Variants in ZMIZ2 observed in about 807,000 individuals in gnomAD.
The protein encoded by ZMIZ2 is zinc finger MIZ-type containing 2.
A neutral mutation model predicts 93.9 loss-of-function variants in ZMIZ2; 26 were observed. That is an observed-to-expected ratio of 0.28 (90% confidence interval 0.20 to 0.38). The LOEUF is 0.38. Among genes scored for constraint, ZMIZ2 ranks in the 10% least tolerant of loss-of-function variants. The pLI, the probability that ZMIZ2 is intolerant of heterozygous loss-of-function variation, is 1.00. For missense variants in ZMIZ2, 1,023 were observed against 1,235.0 expected, an observed-to-expected ratio of 0.83 and a Z score of 2.57; for synonymous variants, 485 against 516.4, an observed-to-expected ratio of 0.94 and a Z score of 0.82.
intron 1 of ZMIZ2, among the ~76,000 whole-genome samples, chr7:44,754,208 G>A (rs1309399374): frequency 6.6e-6 from 1 of 152,174 alleles, no homozygotes; most frequent in Non-Finnish European, 1.5e-5. Context: ...TATGGGACTG[G>A]GATTGCCACC....
Position 44,757,971 on chromosome 7 carries a change from C to G in ZMIZ2, c.676C>G (p.Pro226Ala), listed in dbSNP as rs779714515. Residue 226 changes from proline (P) to alanine (A), a missense_variant, in exon 6 of 19, where the codon CCC becomes GCC. Coordinates refer to ENST00000309315, the MANE Select transcript of ZMIZ2 (RefSeq NM_031449.4). ...GGVMGPSGLSPLAMNPTRAAG... is the reference protein window; with the variant it reads ...GGVMGPSGLSALAMNPTRAAG... ...GGTAATGGGCCCCTCTGGCCTCTCC[C>G]CCTTGGCTATGAACCCCACCCGGGC... The G allele has an allele frequency of 3.3e-5, 53 of 1,612,576 alleles. No homozygotes were observed. Among genetic ancestry groups the G allele is most frequent in the Non-Finnish European group, 4.3e-5 (51 of 1,179,428 alleles).
At chr7:44,755,097 A>T (rs1790478255) in intron 1 of ZMIZ2, among the ~76,000 whole-genome samples, 1 of 152,072 alleles carries the variant, frequency 6.6e-6, no homozygotes, top group Non-Finnish European at 1.5e-5. Flanking sequence ...TTATTTACTA[A>T]ATGGGGAGAG....
intron 1 of ZMIZ2, 71 bp from the exon 2 acceptor site, chr7:44,756,117 G>A: frequency 7.9e-7 from 1 of 1,259,920 alleles, no homozygotes; most frequent in Non-Finnish European, 1.1e-6. Flanking sequence ...CTGGCACCGG[G>A]GTCCCTCCAC....
chr7:44,769,010 G>C lies in ZMIZ2; in HGVS notation c.*1387G>C, dbSNP rs1278885222. The stretch of plus-strand genomic sequence containing the variant: ...GTCACCTTATCTGGGCTTGCCCTGG[G>C]GCACTGAGACAGTTGTTTGGCAGCC... On this transcript the variant is annotated 3_prime_UTR_variant, in exon 19 of 19. Transcript: ENST00000309315. The C allele has an allele frequency of 1.3e-5, 2 of 152,662 alleles. No homozygotes were observed. Among genetic ancestry groups the C allele is most frequent in the Non-Finnish European group, 2.9e-5 (2 of 68,056 alleles). The allele number at this position is 152,662 out of a possible 1,614,324, so 9.5% of individuals were successfully genotyped here. A position where few individuals can be genotyped will look rare whatever the true frequency, so the allele number is the denominator to read the frequency against.
intron 6 of ZMIZ2, among the ~76,000 whole-genome samples, chr7:44,758,912 T>A (rs1583630335): frequency 2.1e-5 from 2 of 93,342 alleles, no homozygotes; most frequent in African/African-American, 8.8e-5. Context: ...AGACTCCATC[T>A]CAAAAAAAAA....
chr7:44,757,377 G>C lies in ZMIZ2; in HGVS notation c.369-1G>C. On this transcript the variant is annotated splice_acceptor_variant, in intron 4 of 18. Coordinates refer to ENST00000309315, the MANE Select transcript of ZMIZ2 (RefSeq NM_031449.4). LOFTEE classifies it high-confidence loss of function. ...GCGTGGCAATCCTGTGTCTCCTGCA[G>C]GTATGCAGGCGGCCCGGGGGGCCTG... The C allele has an allele frequency of 6.3e-7, 1 of 1,599,218 alleles. No individual in the cohort carries two copies. The highest frequency in any genetic ancestry group is 8.5e-7 in the Non-Finnish European group (1 of 1,178,760).
Position 44,766,116 on chromosome 7 carries a change from C to A in ZMIZ2, c.2243-48C>A. The A allele has an allele frequency of 6.5e-7, 1 of 1,538,468 alleles. No individual in the cohort carries two copies. The highest frequency in any genetic ancestry group is 1.2e-5 in the South Asian group (1 of 80,098). The stretch of plus-strand genomic sequence containing the variant: ...GCCTCCCTCCTGGCTCCTCTGCCAG[C>A]GGTGGCCTTCCCCAGCCCTCACCCA... On this transcript the variant is annotated intron_variant, in intron 16 of 18. Coordinates refer to ENST00000309315, the MANE Select transcript of ZMIZ2 (RefSeq NM_031449.4). The surrounding 1 kb of genome is among the most constrained non-coding windows in gnomAD (Gnocchi z 4.4).
Position 44,756,943 on chromosome 7 carries a change from A to T in ZMIZ2, c.166-4A>T, listed in dbSNP as rs754781482. ...TCCCTTTGGTGATTCCTGCTTCCTC[A>T]TAGGTTTTGGGGAACCCCATGGGCC... On this transcript the variant is annotated splice_polypyrimidine_tract_variant and splice_region_variant and intron_variant, in intron 3 of 18. Transcript: ENST00000309315. 1 of 1,608,832 alleles carries T rather than the reference A, an allele frequency of 6.2e-7. No individual in the cohort carries two copies. The highest frequency in any genetic ancestry group is 1.7e-5 in the Admixed American group (1 of 58,032).
chr7:44,751,223 GCTC>G (rs1264664390), intron 1 of ZMIZ2: 4 of 152,348 alleles, frequency 2.6e-5, no homozygotes, highest in Non-Finnish European at 5.9e-5. Flanking sequence ...CCTGCCCTGT[GCTC>G]CTTCTCCCCA....
At position 44,763,596 on chromosome 7, in the gene ZMIZ2, T is replaced by C. The variant is rs927455564; in HGVS notation, c.1860+183T>C. ...GCTCCCCCAAGACTAGGCTATTTTT[T>C]CTTCCAAATATAATTGTCATTTTAC... is the stretch of plus-strand genomic sequence containing the variant. On this transcript the variant is annotated intron_variant, in intron 13 of 18. Coordinates refer to ENST00000309315, the MANE Select transcript of ZMIZ2 (RefSeq NM_031449.4). The surrounding 1 kb of genome is among the most constrained non-coding windows in gnomAD (Gnocchi z 5.6). 2.8e-5 allele frequency: 20 copies of C among 724,812 alleles called. No individual in the cohort carries two copies. Among genetic ancestry groups the C allele is most frequent in the Non-Finnish European group, 2.8e-5 (13 of 461,512 alleles). The allele number at this position is 724,812 out of a possible 1,614,324, so 44.9% of individuals were successfully genotyped here.
chr7:44,757,332 C>T (rs1383495576), intron 4 of ZMIZ2, 46 bp from the exon 5 acceptor site: 1 of 1,583,594 alleles, frequency 6.3e-7, no homozygotes, highest in Admixed American at 1.7e-5. Context: ...AGTCCTGGCC[C>T]TCATGAGCCC....
Position 44,767,453 on chromosome 7 carries a change from AT to A in ZMIZ2, c.2656-62del. 2.3e-6 allele frequency: 3 copies of A among 1,317,544 alleles called. No homozygotes were observed. The South Asian group carries it at 3.6e-5, about 16-fold the overall frequency. The allele number at this position is 1,317,544 out of a possible 1,614,324, so 81.6% of individuals were successfully genotyped here. On this transcript the variant is annotated intron_variant, in intron 18 of 18. Coordinates refer to ENST00000309315, the MANE Select transcript of ZMIZ2 (RefSeq NM_031449.4). ...GACAGGGCCGGGATGTGGTGACAGG[AT>A]GGTCACTCAGGTGTGGCCAGTCAGT...
At chr7:44,760,328 C>T (rs1791049805) in intron 8 of ZMIZ2, 97 bp from the exon 9 acceptor site, 1 of 1,572,906 alleles carries the variant, frequency 6.4e-7, no homozygotes, top group Non-Finnish European at 8.6e-7. Flanking sequence ...CTCCTGTCCA[C>T]CTCTGTTATC....
chr7:44,760,091 CA>C (rs1791015544), intron 7 of ZMIZ2, 59 bp from the exon 8 acceptor site: 11 of 1,599,102 alleles, frequency 6.9e-6, no homozygotes, highest in South Asian at 4.4e-5. Context: ...GGGTCAGGTC[CA>C]GGGGGCCCGG....
chr7:44,753,678 G>A (rs1790350330), intron 1 of ZMIZ2, among the ~76,000 whole-genome samples: 1 of 152,158 alleles, frequency 6.6e-6, no homozygotes, highest in Non-Finnish European at 1.5e-5. Flanking sequence ...TAATTTTGAT[G>A]AAGTCCAGTT....
In ZMIZ2 at chr7:44,767,865, A is replaced by G; in HGVS notation, c.*242A>G. The G allele has an allele frequency of 5.3e-6, 3 of 569,374 alleles. No individual in the cohort carries two copies. Among genetic ancestry groups the G allele is most frequent in the Non-Finnish European group, 9.5e-6 (3 of 317,034 alleles). 35.3% of individuals were successfully genotyped at this position (569,374 alleles called of 1,614,324 possible). On this transcript the variant is annotated 3_prime_UTR_variant, in exon 19 of 19. Transcript: ENST00000309315. ...CCCTCTGCCAAGCCTGCTGCTGCAGAACGGTTTTTGCTGAGGTGCCCCTGC... is the reference window on the plus strand; with the variant it reads ...CCCTCTGCCAAGCCTGCTGCTGCAGGACGGTTTTTGCTGAGGTGCCCCTGC...
chr7:44,753,997 A>G (rs1211989377), intron 1 of ZMIZ2, among the ~76,000 whole-genome samples: 3 of 152,158 alleles, frequency 2.0e-5, no homozygotes, highest in African/African-American at 4.8e-5. Flanking sequence ...GTGCAAATCA[A>G]TTTCAGATTC....
intron 11 of ZMIZ2, among the ~76,000 whole-genome samples, chr7:44,762,354 G>C (rs1271346893): frequency 6.6e-6 from 1 of 152,158 alleles, no homozygotes; most frequent in Admixed American, 6.5e-5. Context: ...CATGGAGCTC[G>C]GAGTCCCCGG....
At position 44,761,425 on chromosome 7, in the gene ZMIZ2, A is replaced by C. The variant is rs1583641565; in HGVS notation, c.1241-24A>C. On this transcript the variant is annotated intron_variant, in intron 9 of 18. Transcript: ENST00000309315. This position sits in a 1 kb window ranked among gnomAD's most constrained non-coding sequence, Gnocchi z 5.8. ...CGCTCTGGCTGGGGCAACCCAGCTC[A>C]CAGCCAGTGGCCTCTGCTCCCAGGA... 6.2e-7 allele frequency: 1 copy of C among 1,609,358 alleles called. No individual in the cohort carries two copies. The highest frequency in any genetic ancestry group is 1.3e-5 in the African/African-American group (1 of 75,056).
Sources: allele counts gnomAD v4.1 joint callset (sites outside exome capture counted in the v4.1 genomes callset), GRCh38; gene constraint gnomAD v4.1.1; non-coding constraint Gnocchi (gnomAD v3.1); transcripts MANE v1.5; gene names NCBI Gene and HGNC (gene_info 2026-07-23, HGNC 2026-07-21).